CTNNA2: variants seen among roughly 807,000 people sequenced by gnomAD.
CTNNA2 encodes the protein catenin alpha 2.
CTNNA2 carries 42 observed loss-of-function variants against 101.0 expected under a neutral mutation model. The observed-to-expected ratio is 0.42, with a 90% CI of 0.32 to 0.54. The LOEUF (loss-of-function observed/expected upper bound fraction) is 0.54. CTNNA2 is among the 20% of genes least tolerant of loss of function. The pLI is 0.14. For missense variants in CTNNA2, 871 were observed against 1,223.1 expected, an observed-to-expected ratio of 0.71 and a Z score of 4.29; for synonymous variants, 450 against 456.4, an observed-to-expected ratio of 0.99 and a Z score of 0.18.
rs557838356 is a variant in CTNNA2 at position 79,325,054 on chromosome 2, C to T, written c.-318+12258C>T. ...TGCTTTACAAAGCTATCTTCTGAAACGCAAAGGATGGTCTCATTTTTATTG... is the reference window on the plus strand; with the variant it reads ...TGCTTTACAAAGCTATCTTCTGAAATGCAAAGGATGGTCTCATTTTTATTG... On this transcript the variant is annotated intron_variant, in intron 3 of 21. Transcript: ENST00000466387. Among the ~76,000 whole-genome samples the T allele has an allele frequency of 7.2e-5, 11 of 152,184 alleles. No individual in the cohort carries two copies. In the South Asian group the frequency reaches 1.5e-3, roughly 20 times the overall value.
At chr2:79,471,456 A>G (rs1383242713) in intron 4 of CTNNA2, among the ~76,000 whole-genome samples, 1 of 152,140 alleles carries the variant, frequency 6.6e-6, no homozygotes, top group Non-Finnish European at 1.5e-5. Flanking sequence ...GAGGGCTCTC[A>G]TGGCTCCCTT....
At chr2:80,076,234 T>C (rs1573006368) in intron 7 of CTNNA2, among the ~76,000 whole-genome samples, 1 of 152,038 alleles carries the variant, frequency 6.6e-6, no homozygotes, top group Non-Finnish European at 1.5e-5. Context: ...GGCATAGGTT[T>C]TGGGTTTCTC....
chr2:80,603,155 G>C (rs1294756104), intron 15 of CTNNA2, among the ~76,000 whole-genome samples: 2 of 151,966 alleles, frequency 1.3e-5, no homozygotes, highest in Admixed American at 6.6e-5. Flanking sequence ...TGCACATAAA[G>C]AGACCAGGTT....
At chr2:80,628,936 G>A (rs1298067404) in intron 18 of CTNNA2, among the ~76,000 whole-genome samples, 1 of 152,138 alleles carries the variant, frequency 6.6e-6, no homozygotes, top group African/African-American at 2.4e-5. Context: ...CTGACTTTCA[G>A]TAGCTGGCTA....
intron 3 of CTNNA2, among the ~76,000 whole-genome samples, chr2:79,340,621 C>G (rs144542262): frequency 0.038 from 5,711 of 152,036 alleles, 391 homozygotes; most frequent in African/African-American, 0.13. Flanking sequence ...ATCACGAGGT[C>G]AGGAGATAGA....
intron 7 of CTNNA2, among the ~76,000 whole-genome samples, chr2:80,242,286 C>G (rs781696709): frequency 1.7e-4 from 26 of 152,192 alleles, no homozygotes; most frequent in Non-Finnish European, 3.5e-4. Flanking sequence ...TGTGGCATAA[C>G]TCTTGCTGTT....
rs1175152823 is a variant in CTNNA2 at position 80,603,486 on chromosome 2, T to C, written c.2190-588T>C. ...AAATTCTGGCCAAACAGTTCCCAGT[T>C]ATGTGCAAGAGATAATTGCTTCTCA... On this transcript the variant is annotated intron_variant, in intron 15 of 18. Transcript: ENST00000402739. The C allele has an allele frequency of 2.0e-5, 3 of 152,076 alleles. No homozygotes were observed. The East Asian group carries it at 5.8e-4, about 29-fold the overall frequency. 9.4% of individuals were successfully genotyped at this position (152,076 alleles called of 1,614,324 possible). A position where few individuals can be genotyped will look rare whatever the true frequency, so the allele number is the denominator to read the frequency against.
Position 80,120,323 on chromosome 2 carries a change from T to C in CTNNA2, c.1056+210526T>C, listed in dbSNP as rs369563103. On this transcript the variant is annotated intron_variant, in intron 7 of 18. Coordinates refer to ENST00000402739, the MANE Select transcript of CTNNA2 (RefSeq NM_001282597.3). ...TACTGTTTTATTTCTGTTTTAAGTA[T>C]ATTACCTTCTGAAGAGTGGTATTTG... Among the ~76,000 whole-genome samples the C allele has an allele frequency of 3.3e-5, 5 of 152,348 alleles. No homozygotes were observed. The East Asian group carries it at 5.8e-4, about 18-fold the overall frequency.
chr2:79,748,991 G>A lies in CTNNA2; in HGVS notation c.298+4409G>A, dbSNP rs112992170. Among the ~76,000 whole-genome samples, 13 of 152,184 alleles carry A rather than the reference G, an allele frequency of 8.5e-5. No individual in the cohort carries two copies. In the East Asian group the frequency reaches 1.7e-3, roughly 20 times the overall value. ...GAGTTTTACTGGGGGGCTTACCTAC[G>A]GGGGAGAAGTCTAGTGGCAGCAGGC... is the stretch of plus-strand genomic sequence containing the variant. On this transcript the variant is annotated intron_variant, in intron 3 of 18. Coordinates refer to ENST00000402739, the MANE Select transcript of CTNNA2 (RefSeq NM_001282597.3).
rs1159006039 is a variant in CTNNA2 at position 80,103,924 on chromosome 2, G to T, written c.1056+194127G>T. ...AACTTTTGTATTTTTAGTAGAGATT[G>T]GGTTTCGCCATGTTGGCCAGGCTGG... is the stretch of plus-strand genomic sequence containing the variant. On this transcript the variant is annotated intron_variant, in intron 7 of 18. Coordinates refer to ENST00000402739, the MANE Select transcript of CTNNA2 (RefSeq NM_001282597.3). 2.0e-5 allele frequency among the ~76,000 whole-genome samples: 3 copies of T among 152,274 alleles called. No homozygotes were observed. In the South Asian group the frequency reaches 6.2e-4, roughly 32 times the overall value.
chr2:80,465,281 T>C (rs751502329), intron 9 of CTNNA2, among the ~76,000 whole-genome samples: 16 of 152,222 alleles, frequency 1.1e-4, no homozygotes, highest in Non-Finnish European at 2.2e-4. Context: ...TCAAGGGGTA[T>C]GGTCTTAATA....
intron 7 of CTNNA2, among the ~76,000 whole-genome samples, chr2:80,044,881 A>G (rs1365547138): frequency 2.0e-5 from 3 of 152,146 alleles, no homozygotes; most frequent in Non-Finnish European, 2.9e-5. Flanking sequence ...AGGCTATGTC[A>G]TAAACTGATC....
At chr2:80,186,439 C>G (rs1706133010) in intron 7 of CTNNA2, among the ~76,000 whole-genome samples, 1 of 152,166 alleles carries the variant, frequency 6.6e-6, no homozygotes, top group South Asian at 2.1e-4. Flanking sequence ...CTCCCCAGTA[C>G]AGCAGAGTTC....
intron 7 of CTNNA2, among the ~76,000 whole-genome samples, chr2:80,220,960 C>A (rs1244108834): frequency 2.6e-5 from 4 of 152,170 alleles, no homozygotes; most frequent in Non-Finnish European, 5.9e-5. Flanking sequence ...CGGCTCACTG[C>A]AGCCTCCACC....
chr2:79,213,796 A>G (rs10170099), intron 2 of CTNNA2, among the ~76,000 whole-genome samples: 122,014 of 152,150 alleles, frequency 0.8, 49,397 homozygotes, highest in East Asian at 0.99. Context: ...TGAAGGAGCC[A>G]GGAAGCAGAA....
At chr2:79,472,554 T>C (rs1671011283) in intron 4 of CTNNA2, among the ~76,000 whole-genome samples, 3 of 152,224 alleles carry the variant, frequency 2.0e-5, no homozygotes, top group African/African-American at 7.2e-5. Flanking sequence ...TCAAGAAATC[T>C]AACAGCTTTT....
At chr2:79,494,050 G>T (rs1671230223) in intron 4 of CTNNA2, among the ~76,000 whole-genome samples, 1 of 151,776 alleles carries the variant, frequency 6.6e-6, no homozygotes, top group Admixed American at 6.6e-5. Flanking sequence ...AACTAAAAAT[G>T]AAATTAAGAA....
intron 2 of CTNNA2, among the ~76,000 whole-genome samples, chr2:79,716,032 A>C (rs1206158075): frequency 2.6e-5 from 4 of 152,114 alleles, no homozygotes; most frequent in African/African-American, 9.7e-5. Flanking sequence ...GATTGAAAAA[A>C]AAAAGGCATT....
chr2:79,270,546 T>C (rs529455052), intron 2 of CTNNA2, among the ~76,000 whole-genome samples: 1 of 152,172 alleles, frequency 6.6e-6, no homozygotes, highest in African/African-American at 2.4e-5. Context: ...ATGGCAGCAA[T>C]TGCACAGGCT....
Sources: gnomAD v4.1 joint callset for allele counts (sites outside exome capture counted in the v4.1 genomes callset) on GRCh38, gnomAD v4.1.1 for gene constraint, MANE v1.5 for transcripts, NCBI Gene and HGNC (gene_info 2026-07-23, HGNC 2026-07-21) for gene names.